The following ZAN variants were observed in gnomAD, a reference collection of about 807,000 sequenced individuals.
ZAN encodes zonadhesin (gene/pseudogene).
ZAN carries 260 observed loss-of-function variants against 286.2 expected under a neutral mutation model. The ratio of observed to expected loss-of-function variants is 0.91; its 90% CI spans 0.82 to 1.01. The LOEUF is 1.01. ZAN is among the 50% of genes least tolerant of loss of function. The pLI, the probability that ZAN is intolerant of heterozygous loss-of-function variation, is 0.00. For synonymous variants in ZAN, 1,368 were observed against 1,417.5 expected (o/e 0.97, Z 0.79); for missense variants, 3,410 against 3,639.2 (o/e 0.94, Z 1.62).
chr7:100,768,464 T>C (rs1331448232), intron 26 of ZAN, 146 bp from the exon 27 acceptor site: 8 of 699,036 alleles, frequency 1.1e-5, no homozygotes, highest in Non-Finnish European at 1.2e-5. Flanking sequence ...AGAGCAAGAC[T>C]CCATCTCAAA....
Position 100,768,664 on chromosome 7 carries a change from C to A in ZAN, c.5096C>A (p.Ala1699Glu). 1 of 1,610,116 alleles carries A rather than the reference C, an allele frequency of 6.2e-7. No individual in the cohort carries two copies. The highest frequency in any genetic ancestry group is 1.7e-5 in the Admixed American group (1 of 59,432). The change falls in exon 27 of 48, where the codon GCA (alanine) becomes GAA (glutamate). Residue 1699 changes from alanine (A) to glutamate (E), a missense_variant. Ala to Glu is a moderately radical substitution (Grantham distance 107, BLOSUM62 -1). This residue lies in a region of ZAN where 1,042 missense variants were observed against 1,058.0 expected (regional missense o/e 0.98). Coordinates refer to ENST00000613979, the MANE Select transcript of ZAN (RefSeq NM_003386.3). ...DDNLRPDRKL[A>E]GDSMQLGAAW... ...AACCTGCGCCCCGACAGAAAGCTTGCAGGCGATTCCATGCAGCTGGGGGCC... is the reference window on the plus strand; with the variant it reads ...AACCTGCGCCCCGACAGAAAGCTTGAAGGCGATTCCATGCAGCTGGGGGCC...
At chr7:100,766,789 C>G in intron 24 of ZAN, 123 bp downstream of exon 24, 1 of 1,440,174 alleles carries the variant, frequency 6.9e-7, no homozygotes, top group Non-Finnish European at 9.2e-7. Context: ...GGAGGGGCAG[C>G]AGGGGCAGCA....
At chr7:100,759,594 T>C in intron 17 of ZAN, 127 bp from the exon 18 acceptor site, 2 of 1,261,960 alleles carry the variant, frequency 1.6e-6, no homozygotes, top group Non-Finnish European at 2.1e-6. Context: ...CGGCCTCCCC[T>C]ACTGGACTTT....
Position 100,758,227 on chromosome 7 carries a change from A to C in ZAN, c.3335A>C (p.Asn1112Thr). 6.2e-7 allele frequency: 1 copy of C among 1,613,366 alleles called. No homozygotes were observed. The highest frequency in any genetic ancestry group is 8.5e-7 in the Non-Finnish European group (1 of 1,179,816). ...CCTGGGGCAGAGTGGTTCAGCCCCAACTGCACAGAACATTGCCGCTGCTGG... is the reference window on the plus strand; with the variant it reads ...CCTGGGGCAGAGTGGTTCAGCCCCACCTGCACAGAACATTGCCGCTGCTGG... ...YEPGAEWFSP[N>T]CTEHCRCWPG... is the part of the protein sequence containing the mutation. The change falls in exon 16 of 48, where the codon AAC becomes ACC. Residue 1112 changes from asparagine to threonine, a missense_variant. Transcript: ENST00000613979.
rs532285120 is a variant in ZAN, at chr7:100,795,776, T to G, written c.8266+440T>G. 6.6e-5 allele frequency among the ~76,000 whole-genome samples: 10 copies of G among 151,672 alleles called. No individual in the cohort carries two copies. The South Asian group carries it at 2.1e-3, about 32-fold the overall frequency. On this transcript the variant is annotated intron_variant, in intron 45 of 47. Coordinates refer to ENST00000613979, the MANE Select transcript of ZAN (RefSeq NM_003386.3). ...AAAAAGTTAGCCGGGTGTGGTGGTGTGCGCCTGTAGTCCCAGCTACTCGGG... is the reference window on the plus strand; with the variant it reads ...AAAAAGTTAGCCGGGTGTGGTGGTGGGCGCCTGTAGTCCCAGCTACTCGGG...
Position 100,737,049 on chromosome 7 carries a change from C to A in ZAN, c.494C>A (p.Thr165Asn). The A allele has an allele frequency of 6.7e-7, 1 of 1,499,190 alleles. No homozygotes were observed. The highest frequency in any genetic ancestry group is 9.1e-7 in the Non-Finnish European group (1 of 1,095,774). The allele number at this position is 1,499,190 out of a possible 1,614,324, so 92.9% of individuals were successfully genotyped here. Residue 165 changes from threonine (T) to asparagine (N), a missense_variant, in exon 5 of 48, where the codon ACT (threonine) becomes AAT (asparagine). Thr to Asn is a moderately conservative substitution (Grantham distance 65). Coordinates refer to ENST00000613979, the MANE Select transcript of ZAN (RefSeq NM_003386.3). The stretch of plus-strand genomic sequence containing the variant: ...CCCTCCTGGATGCTCACCACCGTCA[C>A]TGTGCCCGCAGGGTTCACCCTGCCC... ...QRPSWMLTTV[T>N]VPAGFTLPTR...
rs915892798 is a variant in ZAN at position 100,776,295 on chromosome 7, G to A, written c.6193-145G>A. On this transcript the variant is annotated intron_variant, in intron 33 of 47. Coordinates refer to ENST00000613979, the MANE Select transcript of ZAN (RefSeq NM_003386.3). ...ATCATGCCACTGCACTCCAGGCTGG[G>A]TGACAAGAGTGAAACTTGAAGGAAG... is the stretch of plus-strand genomic sequence containing the variant. 1.2e-4 allele frequency: 146 copies of A among 1,196,286 alleles called. No individual in the cohort carries two copies. In the African/African-American group the frequency reaches 2.1e-3, roughly 17 times the overall value. 74.1% of individuals were successfully genotyped at this position (1,196,286 alleles called of 1,614,324 possible). A position where few individuals can be genotyped will look rare whatever the true frequency, so the allele number is the denominator to read the frequency against.
chr7:100,767,709 G>T, intron 25 of ZAN, 122 bp from the exon 26 acceptor site: 5 of 1,113,084 alleles, frequency 4.5e-6, no homozygotes, highest in Non-Finnish European at 6.2e-6. Flanking sequence ...GAGATCCTGG[G>T]CTCAAGCGAT....
chr7:100,776,814 G>A (rs35253132), intron 34 of ZAN, among the ~76,000 whole-genome samples: 45,847 of 127,278 alleles, frequency 0.36, 8,784 homozygotes, highest in East Asian at 0.8. Context: ...CTCACTGCAA[G>A]CTCTGCTTCC....
rs377492790 is a variant in ZAN, at chr7:100,736,877, G to A, written c.322G>A (p.Asp108Asn). The A allele has an allele frequency of 2.0e-5, 30 of 1,486,278 alleles. 6 individuals carry two copies. Among genetic ancestry groups the A allele is most frequent in the Admixed American group, 1.2e-4 (6 of 52,044 alleles). The allele number at this position is 1,486,278 out of a possible 1,614,324, so 92.1% of individuals were successfully genotyped here. The change falls in exon 5 of 48, where the codon GAC becomes AAC. Residue 108 changes from aspartate (D) to asparagine (N), a missense_variant. By Grantham distance (23) the Asp-to-Asn change is conservative. Coordinates refer to ENST00000613979, the MANE Select transcript of ZAN (RefSeq NM_003386.3). ...GGGAGTGGCCCGCCTGCTCAGCCCC[G>A]ACCTATGGGAGCAAGGCCCCCTCTG... ...RGGVARLLSPDLWEQGPLCVH... is the reference protein window; with the variant it reads ...RGGVARLLSPNLWEQGPLCVH...
intron 38 of ZAN, among the ~76,000 whole-genome samples, chr7:100,788,473 GC>G (rs1811724449): frequency 6.6e-6 from 1 of 152,066 alleles, no homozygotes; most frequent in Admixed American, 6.6e-5. Context: ...GATCACTTGA[GC>G]CCAGGAGTTT....
In ZAN at chr7:100,771,864, C is replaced by CA; in HGVS notation, c.5270dup (p.Val1758GlyfsTer89). The CA allele has an allele frequency of 6.2e-7, 1 of 1,612,758 alleles. No individual in the cohort carries two copies. The highest frequency in any genetic ancestry group is 1.3e-5 in the African/African-American group (1 of 75,020). On this transcript the variant is annotated frameshift_variant, in exon 29 of 48. Transcript: ENST00000613979. LOFTEE classifies it high-confidence loss of function. Reference sequence around the variant, plus strand: ...TGCAGGACCCTTCTCTCAATGTCACCAGGTGGTGCCTCCCCAGTCCAGCTT... The same window carrying CA: ...TGCAGGACCCTTCTCTCAATGTCACCAAGGTGGTGCCTCCCCAGTCCAGCTT...
intron 35 of ZAN, 43 bp from the exon 36 acceptor site, chr7:100,784,580 C>G (rs752947437): frequency 1.2e-6 from 2 of 1,604,114 alleles, no homozygotes; most frequent in Admixed American, 1.7e-5. Context: ...ACCTTGGCCC[C>G]CTGTGACCCT....
intron 7 of ZAN, 116 bp from the exon 8 acceptor site, chr7:100,746,422 C>G (rs749589351): frequency 1.0e-4 from 135 of 1,326,600 alleles, no homozygotes; most frequent in Non-Finnish European, 1.3e-4. Flanking sequence ...CTGCCTGATT[C>G]TAGGCTGCTG....
intron 27 of ZAN, among the ~76,000 whole-genome samples, chr7:100,768,988 T>C (rs1379094031): frequency 6.6e-6 from 1 of 152,172 alleles, no homozygotes; most frequent in Non-Finnish European, 1.5e-5. Flanking sequence ...CCCTGAGGTC[T>C]AGCCTTTTTC....
rs766817422 is a variant in ZAN at position 100,737,236 on chromosome 7, G to T, written c.526-26G>T. On this transcript the variant is annotated intron_variant, in intron 5 of 47. Transcript: ENST00000613979. ...GAGGCCTGGCTGAGGGGCTCATGGG[G>T]TTGGGGTCCCCTTATCCTCTTGCAG... 4.1e-6 allele frequency: 6 copies of T among 1,451,252 alleles called. No homozygotes were observed. In the South Asian group the frequency reaches 4.9e-5, roughly 12 times the overall value. The allele number at this position is 1,451,252 out of a possible 1,614,324, so 89.9% of individuals were successfully genotyped here. A position where few individuals can be genotyped will look rare whatever the true frequency, so the allele number is the denominator to read the frequency against.
rs774024746 is a variant in ZAN, at chr7:100,790,937, C to T, written c.7358-5C>T. On this transcript the variant is annotated splice_region_variant and splice_polypyrimidine_tract_variant and intron_variant, in intron 39 of 47. Transcript: ENST00000613979. ...TCACTTCTGGGGACCCCCTTCCTCCCGCAGTGATCTCCCTACCCAGCATGT... is the reference window on the plus strand; with the variant it reads ...TCACTTCTGGGGACCCCCTTCCTCCTGCAGTGATCTCCCTACCCAGCATGT... The T allele has an allele frequency of 2.6e-5, 42 of 1,607,228 alleles. No individual in the cohort carries two copies. Among genetic ancestry groups the T allele is most frequent in the East Asian group, 1.3e-4 (6 of 44,594 alleles).
At chr7:100,792,588 G>C in intron 42 of ZAN, 109 bp downstream of exon 42, 1 of 1,543,614 alleles carries the variant, frequency 6.5e-7, no homozygotes, top group Non-Finnish European at 8.7e-7. Context: ...CCCCTCTGCC[G>C]TCCACCTCTG....
chr7:100,790,996 A>G lies in ZAN; in HGVS notation c.7412A>G (p.Tyr2471Cys). ...EGLVSGLCGNYDKNRKNDMML... is the reference protein window; with the variant it reads ...EGLVSGLCGNCDKNRKNDMML... ...CTTGTGAGTGGCCTGTGCGGAAACT[A>G]CGACAAGAACCGCAAGAATGACATG... is the stretch of plus-strand genomic sequence containing the variant. The change falls in exon 40 of 48, where the codon TAC becomes TGC. Residue 2471 changes from tyrosine (Y) to cysteine (C), a missense_variant. By Grantham distance (194) the Tyr-to-Cys change is radical. Transcript: ENST00000613979. 2 of 1,612,094 alleles carry G rather than the reference A, an allele frequency of 1.2e-6. No individual in the cohort carries two copies. Among genetic ancestry groups the G allele is most frequent in the South Asian group, 2.2e-5 (2 of 90,598 alleles).
Sources: gnomAD v4.1 joint callset for allele counts (sites outside exome capture counted in the v4.1 genomes callset) on GRCh38, gnomAD v4.1.1 for gene constraint, gnomAD v4.1.1 regional missense constraint, MANE v1.5 for transcripts, NCBI Gene and HGNC (gene_info 2026-07-23, HGNC 2026-07-21) for gene names.